AFF2: variants seen among roughly 807,000 people sequenced by gnomAD.
The protein encoded by AFF2 is AF4/FMR2 family member 2.
Under a neutral mutation model 76.9 loss-of-function variants are expected in AFF2, and 14 were observed. The observed-to-expected ratio is 0.18, with a 90% CI of 0.12 to 0.28. AFF2 has a LOEUF of 0.28. AFF2 is among the 10% of genes least tolerant of loss of function. The pLI, the probability that AFF2 is intolerant of heterozygous loss-of-function variation, is 1.00. For synonymous variants in AFF2, 398 were observed against 366.7 expected (o/e 1.09, Z -0.98); for missense variants, 868 against 1,001.1 (o/e 0.87, Z 1.79).
At chrX:148,865,669 C>G (rs1279175588) in intron 7 of AFF2, among the ~76,000 whole-genome samples, 1 of 112,166 alleles carries the variant, frequency 8.9e-6, no homozygotes, top group Non-Finnish European at 1.9e-5. Flanking sequence ...CAATACATTA[C>G]TTTAAAAAAT....
At chrX:148,828,035 A>AT (rs2070409808) in intron 4 of AFF2, among the ~76,000 whole-genome samples, 1 of 110,947 alleles carries the variant, frequency 9.0e-6, no homozygotes, top group Non-Finnish European at 1.9e-5. Flanking sequence ...GAAAGGAAAA[A>AT]AAAAACATGG....
At chrX:148,952,122 T>G (rs1364567338) in intron 9 of AFF2, among the ~76,000 whole-genome samples, 1 of 111,591 alleles carries the variant, frequency 9.0e-6, no homozygotes, top group African/African-American at 3.3e-5. Flanking sequence ...AAGCAGCAGC[T>G]CAGTATGGCT....
In AFF2 at chrX:148,760,214, T is replaced by C. The variant is rs991380357; in HGVS notation, c.1042-49662T>C. The stretch of plus-strand genomic sequence containing the variant: ...TTCACGCCCAAGGTAACAGTTACTA[T>C]GCCAGGTTTAATAACCAAGCTTTGA... On this transcript the variant is annotated intron_variant, in intron 3 of 20. Coordinates refer to ENST00000370460, the MANE Select transcript of AFF2 (RefSeq NM_002025.4). Among the ~76,000 whole-genome samples the C allele has an allele frequency of 7.1e-5, 8 of 112,009 alleles. No homozygotes were observed. In the Admixed American group the frequency reaches 7.6e-4, roughly 11 times the overall value.
intron 1 of AFF2, among the ~76,000 whole-genome samples, chrX:148,626,557 T>C (rs1487373336): frequency 9.1e-6 from 1 of 109,391 alleles, no homozygotes; most frequent in African/African-American, 3.5e-5. Context: ...TATATTTTTT[T>C]CTTACAGTTC....
intron 3 of AFF2, among the ~76,000 whole-genome samples, chrX:148,769,013 G>T (rs1018009746): frequency 9.0e-6 from 1 of 111,677 alleles, no homozygotes; most frequent in East Asian, 2.8e-4. Context: ...ATTTAAAGGT[G>T]ACAAAATTGA....
intron 1 of AFF2, among the ~76,000 whole-genome samples, chrX:148,594,166 G>A (rs1445982706): frequency 1.8e-5 from 2 of 109,961 alleles, no homozygotes; most frequent in Non-Finnish European, 3.8e-5. Context: ...AGTGGGATGC[G>A]GCTAAGCATT....
chrX:148,903,053 C>T (rs782086294), intron 8 of AFF2, among the ~76,000 whole-genome samples: 1 of 109,861 alleles, frequency 9.1e-6, no homozygotes, highest in Non-Finnish European at 1.9e-5. Flanking sequence ...AAAGTGGTTG[C>T]CTCTGTATTC....
rs782571704 is a variant in AFF2, at chrX:148,560,168, A to G, written c.47+59024A>G. Among the ~76,000 whole-genome samples, 5 of 111,605 alleles carry G rather than the reference A, an allele frequency of 4.5e-5. No homozygotes were observed. The East Asian group carries it at 1.4e-3, about 31-fold the overall frequency. On this transcript the variant is annotated intron_variant, in intron 1 of 20. Transcript: ENST00000370460. ...ACTATACTACAAGGCTACAGTAACC[A>G]AAACAGCATGGTACTGGTACCAAAA... is the stretch of plus-strand genomic sequence containing the variant.
Position 148,693,738 on chromosome X carries a change from G to A in AFF2, c.1041+30970G>A, listed in dbSNP as rs183085930. On this transcript the variant is annotated intron_variant, in intron 3 of 20. Transcript: ENST00000370460. ...CTTCTGTACACATCAGATCTTGTCC[G>A]CCCAAGGAAAGGAAGTTAGATTGCC... Among the ~76,000 whole-genome samples, 227 of 111,701 alleles carry A rather than the reference G, an allele frequency of 2.0e-3. 1 individual carries two copies. Among genetic ancestry groups the A allele is most frequent in the Non-Finnish European group, 3.0e-3 (161 of 53,149 alleles).
chrX:148,907,372 T>G (rs1343809113), intron 9 of AFF2, among the ~76,000 whole-genome samples: 3 of 112,015 alleles, frequency 2.7e-5, no homozygotes, highest in African/African-American at 9.7e-5. Context: ...AGAACATGTG[T>G]ATTGTAACTA....
At chrX:148,644,217 G>A (rs920302993) in intron 1 of AFF2, among the ~76,000 whole-genome samples, 7 of 111,913 alleles carry the variant, frequency 6.3e-5, no homozygotes, top group Non-Finnish European at 1.3e-4. Context: ...ATTGCACTGT[G>A]CACGTTGTGT....
In AFF2 at chrX:148,719,261, C is replaced by A. The variant is rs782526454; in HGVS notation, c.1041+56493C>A. 8.4e-6 allele frequency: 9 copies of A among 1,075,878 alleles called. No homozygotes were observed. In the African/African-American group the frequency reaches 1.3e-4, roughly 15 times the overall value. The allele number at this position is 1,075,878 out of a possible 1,213,427, so 88.7% of individuals were successfully genotyped here. ...GCAATATGAGTTGGCTGTAGAAGGT[C>A]TACAATCAGCCAAAGGCTTAACAAG... On this transcript the variant is annotated intron_variant, in intron 3 of 20. Transcript: ENST00000370460.
rs781996032 is a variant in AFF2 at position 148,619,079 on chromosome X, C to G, written c.48-32920C>G. Among the ~76,000 whole-genome samples, 7 of 111,544 alleles carry G rather than the reference C, an allele frequency of 6.3e-5. No individual in the cohort carries two copies. In the East Asian group the frequency reaches 2.0e-3, roughly 32 times the overall value. Reference sequence around the variant, plus strand: ...TGTTTCTTCCTCAGCTTCTTATATTCTATTTTCCTTCACTATGACCTATTA... The same window carrying G: ...TGTTTCTTCCTCAGCTTCTTATATTGTATTTTCCTTCACTATGACCTATTA... On this transcript the variant is annotated intron_variant, in intron 1 of 20. Transcript: ENST00000370460.
At chrX:148,648,412 A>G (rs1189555656) in intron 1 of AFF2, among the ~76,000 whole-genome samples, 1 of 108,882 alleles carries the variant, frequency 9.2e-6, no homozygotes, top group Non-Finnish European at 1.9e-5. Flanking sequence ...AATACAAAAA[A>G]TTAGCCAGGC....
At chrX:148,837,178 G>T (rs1398981711) in intron 4 of AFF2, among the ~76,000 whole-genome samples, 1 of 111,827 alleles carries the variant, frequency 8.9e-6, no homozygotes, top group Admixed American at 9.5e-5. Context: ...TAGTGACAGT[G>T]TACAGAAATT....
intron 3 of AFF2, among the ~76,000 whole-genome samples, chrX:148,779,598 G>GATAA (rs1234899427): frequency 1.8e-5 from 2 of 111,395 alleles, no homozygotes; most frequent in Non-Finnish European, 3.8e-5. Flanking sequence ...CAATTTGCTT[G>GATAA]ATAAATATTC....
intron 4 of AFF2, among the ~76,000 whole-genome samples, chrX:148,823,881 C>A (rs967768525): frequency 8.9e-6 from 1 of 111,855 alleles, no homozygotes; most frequent in Admixed American, 9.5e-5. Flanking sequence ...TTGGGCAATG[C>A]AGGGACCCAT....
intron 1 of AFF2, among the ~76,000 whole-genome samples, chrX:148,512,135 A>G (rs186196931): frequency 2.7e-5 from 3 of 111,833 alleles, no homozygotes; most frequent in Non-Finnish European, 5.6e-5. Flanking sequence ...CTGAATATTA[A>G]TTACAGATCC....
intron 3 of AFF2, among the ~76,000 whole-genome samples, chrX:148,704,811 G>A (rs1197104274): frequency 9.1e-6 from 1 of 109,394 alleles, no homozygotes; most frequent in South Asian, 3.9e-4. Flanking sequence ...ACAGGTGTGA[G>A]CCACCACACC....
Sources: gnomAD v4.1 joint callset for allele counts (sites outside exome capture counted in the v4.1 genomes callset) on GRCh38, gnomAD v4.1.1 for gene constraint, MANE v1.5 for transcripts, NCBI Gene and HGNC (gene_info 2026-07-23, HGNC 2026-07-21) for gene names.